The following C1orf210 variants were observed in gnomAD, a reference collection of about 807,000 sequenced individuals.
C1orf210 encodes the protein type III endosome membrane protein TEMP.
Under a neutral mutation model 3.7 loss-of-function variants are expected in C1orf210, and 3 were observed. That is an observed-to-expected ratio of 0.81 (90% CI 0.37 to 2.08). The LOEUF (loss-of-function observed/expected upper bound fraction) is 2.08, where lower values mean the gene tolerates loss of function less well. C1orf210 is among the 30% of genes most tolerant of loss of function. C1orf210 has a pLI of 0.06. For synonymous variants in C1orf210, 62 were observed against 61.7 expected, an observed-to-expected ratio of 1.00 and a Z score of -0.02; for missense variants, 143 against 147.7, an observed-to-expected ratio of 0.97 and a Z score of 0.17.
intron 1 of C1orf210, among the ~76,000 whole-genome samples, chr1:43,284,679 C>A (rs1646568963): frequency 1.3e-5 from 2 of 152,150 alleles, no homozygotes; most frequent in Admixed American, 1.3e-4. Flanking sequence ...GCTCCCCATG[C>A]CCCACAGTGC....
chr1:43,284,331 A>G (rs1473236821), intron 1 of C1orf210, among the ~76,000 whole-genome samples: 1 of 152,038 alleles, frequency 6.6e-6, no homozygotes, highest in African/African-American at 2.4e-5. Context: ...GAACCAGGGG[A>G]GTCCTTGGGG....
In C1orf210 at chr1:43,282,853, C is replaced by T; in HGVS notation, c.274G>A (p.Asp92Asn). 1 of 1,614,134 alleles carries T rather than the reference C, an allele frequency of 6.2e-7. No individual in the cohort carries two copies. Among genetic ancestry groups the T allele is most frequent in the Non-Finnish European group, 8.5e-7 (1 of 1,180,004 alleles). Residue 92 changes from aspartate (D) to asparagine (N), a missense_variant, in exon 3 of 3, where the codon GAC (aspartate) becomes AAC (asparagine). Physicochemically the swap from Asp to Asn is conservative, Grantham distance 23. Transcript: ENST00000523677. ...EDEDDDGFIEDNYIQPGTGEL... is the reference protein window; with the variant it reads ...EDEDDDGFIENNYIQPGTGEL... The stretch of plus-strand genomic sequence containing the variant: ...CCAGTCCCAGGCTGAATGTAATTGT[C>T]CTCGATGAAGCCATCATCATCCTCA...
In C1orf210 at chr1:43,283,079, T is replaced by C. The variant is rs530226735; in HGVS notation, c.48A>G (p.Thr16=). ...KTLVGPSELP[T]ASAVAPGPGT... ...CTGGGCCAGGGGCCACAGCAGACGC[T>C]GTGGGGAGCTCCGAAGGCCCAACAA... is the stretch of plus-strand genomic sequence containing the variant. The change falls in exon 3 of 3, where the codon ACA becomes ACG. Residue 16 remains threonine (T), a synonymous_variant. Transcript: ENST00000523677. 6.2e-7 allele frequency: 1 copy of C among 1,613,706 alleles called. No homozygotes were observed. Among genetic ancestry groups the C allele is most frequent in the Admixed American group, 1.7e-5 (1 of 59,984 alleles).
chr1:43,282,919 G>T lies in C1orf210; in HGVS notation c.208C>A (p.Pro70Thr). 1 of 1,614,154 alleles carries T rather than the reference G, an allele frequency of 6.2e-7. No individual in the cohort carries two copies. Among genetic ancestry groups the T allele is most frequent in the Non-Finnish European group, 8.5e-7 (1 of 1,180,004 alleles). The change falls in exon 3 of 3, where the codon CCT becomes ACT. Residue 70 changes from proline (P) to threonine (T), a missense_variant. Coordinates refer to ENST00000523677, the MANE Select transcript of C1orf210 (RefSeq NM_182517.3). The part of the protein sequence containing the change: ...YHASYRHRPL[P>T]ETGRGGRPQV... ...GGGCGGCCTCCCCTTCCTGTCTCAG[G>T]CAGTGGGCGGTGCCGGTAGCTGGCA...
chr1:43,283,114 A>G lies in C1orf210; in HGVS notation c.20-7T>C. On this transcript the variant is annotated splice_region_variant and splice_polypyrimidine_tract_variant and intron_variant, in intron 2 of 2. Coordinates refer to ENST00000523677, the MANE Select transcript of C1orf210 (RefSeq NM_182517.3). ...TCCGAAGGCCCAACAAGTGCTGCAGAGAAAGGGACAGCATTATAGGTGGGC... is the reference window on the plus strand; with the variant it reads ...TCCGAAGGCCCAACAAGTGCTGCAGGGAAAGGGACAGCATTATAGGTGGGC... 1.9e-6 allele frequency: 3 copies of G among 1,610,728 alleles called. No individual in the cohort carries two copies. The highest frequency in any genetic ancestry group is 2.5e-6 in the Non-Finnish European group (3 of 1,177,780).
At position 43,282,606 on chromosome 1, in the gene C1orf210, G is replaced by T; in HGVS notation, c.*179C>A. 3 of 617,376 alleles carry T rather than the reference G, an allele frequency of 4.9e-6. No individual in the cohort carries two copies. The South Asian group carries it at 6.2e-5, about 13-fold the overall frequency. 38.2% of individuals were successfully genotyped at this position (617,376 alleles called of 1,614,324 possible). A position where few individuals can be genotyped will look rare whatever the true frequency, so the allele number is the denominator to read the frequency against. Reference sequence around the variant, plus strand: ...GCAGGGAACAGTTGAGAGTTATTGAGCAAGAGAGGGTCATTGTCACTTTGC... The same window carrying T: ...GCAGGGAACAGTTGAGAGTTATTGATCAAGAGAGGGTCATTGTCACTTTGC... On this transcript the variant is annotated 3_prime_UTR_variant, in exon 3 of 3. Transcript: ENST00000523677.
At chr1:43,285,023 G>A (rs1035939909) in intron 1 of C1orf210, among the ~76,000 whole-genome samples, 16 of 152,216 alleles carry the variant, frequency 1.1e-4, no homozygotes, top group African/African-American at 3.9e-4. Context: ...GGAGCTGGGC[G>A]TTCAGCCCCT....
chr1:43,282,984 A>G lies in C1orf210; in HGVS notation c.143T>C (p.Ile48Thr). The G allele has an allele frequency of 1.2e-6, 2 of 1,614,128 alleles. No individual in the cohort carries two copies. The highest frequency in any genetic ancestry group is 8.5e-7 in the Non-Finnish European group (1 of 1,179,982). The stretch of plus-strand genomic sequence containing the variant: ...GAGGTGGCATTTGGCAGCAAGTGCA[A>G]TGAGGAGCGAGAGGACCACAGCCCC... Reference protein sequence around the residue: ...VLGAVVLSLLIALAAKCHLCR... With the variant: ...VLGAVVLSLLTALAAKCHLCR... Residue 48 changes from isoleucine to threonine, a missense_variant, in exon 3 of 3, where the codon ATT (isoleucine) becomes ACT (threonine). Transcript: ENST00000523677.
In C1orf210 at chr1:43,282,482, T is replaced by G; in HGVS notation, c.*303A>C. The stretch of plus-strand genomic sequence containing the variant: ...AATAACATTGATTTCGACAGTAAAG[T>G]AGGGGAAGGCAAGAAAAGAAACCAA... On this transcript the variant is annotated 3_prime_UTR_variant, in exon 3 of 3. Transcript: ENST00000523677. 6.0e-6 allele frequency: 2 copies of G among 331,742 alleles called. No individual in the cohort carries two copies. The highest frequency in any genetic ancestry group is 1.1e-5 in the Non-Finnish European group (2 of 182,144). 20.5% of individuals were successfully genotyped at this position (331,742 alleles called of 1,614,324 possible).
chr1:43,284,879 G>A (rs947320124), intron 1 of C1orf210, among the ~76,000 whole-genome samples: 1 of 152,176 alleles, frequency 6.6e-6, no homozygotes, highest in Non-Finnish European at 1.5e-5. Flanking sequence ...TGCCTGTGAG[G>A]TTGTCCCTGG....
intron 1 of C1orf210, among the ~76,000 whole-genome samples, chr1:43,284,121 G>T (rs1646564410): frequency 6.6e-6 from 1 of 152,204 alleles, no homozygotes; most frequent in South Asian, 2.1e-4. Context: ...ACACCTAGAG[G>T]AGGAACACTT....
chr1:43,282,405 C>A lies in C1orf210; in HGVS notation c.*380G>T. On this transcript the variant is annotated 3_prime_UTR_variant, in exon 3 of 3. Coordinates refer to ENST00000523677, the MANE Select transcript of C1orf210 (RefSeq NM_182517.3). ...AGAAGAGTAGCGTAGGCAGGGGGAC[C>A]AATGTGAGCAAAGGTGCCTGGGGAA... The A allele has an allele frequency of 5.3e-6, 1 of 190,108 alleles. No homozygotes were observed. Among genetic ancestry groups the A allele is most frequent in the East Asian group, 1.4e-4 (1 of 7,040 alleles). 11.8% of individuals were successfully genotyped at this position (190,108 alleles called of 1,614,324 possible).
chr1:43,282,513 C>G lies in C1orf210; in HGVS notation c.*272G>C. 5.0e-6 allele frequency: 2 copies of G among 401,736 alleles called. No individual in the cohort carries two copies. The highest frequency in any genetic ancestry group is 8.8e-6 in the Non-Finnish European group (2 of 226,506). The allele number at this position is 401,736 out of a possible 1,614,324, so 24.9% of individuals were successfully genotyped here. A position where few individuals can be genotyped will look rare whatever the true frequency, so the allele number is the denominator to read the frequency against. On this transcript the variant is annotated 3_prime_UTR_variant, in exon 3 of 3. Coordinates refer to ENST00000523677, the MANE Select transcript of C1orf210 (RefSeq NM_182517.3). ...AAGGCAAGAAAAGAAACCAAGAGGC[C>G]GAGAGGCATGATCACAGAGGGCCTT...
chr1:43,284,288 T>C (rs1646565759), intron 1 of C1orf210, among the ~76,000 whole-genome samples: 1 of 151,994 alleles, frequency 6.6e-6, no homozygotes, highest in Non-Finnish European at 1.5e-5. Context: ...GACGAACAGC[T>C]AGGGCAGGAG....
rs773869341 is a variant in C1orf210, at chr1:43,283,101, A to G, written c.26T>C (p.Val9Ala). 2 of 1,612,516 alleles carry G rather than the reference A, an allele frequency of 1.2e-6. No individual in the cohort carries two copies. The highest frequency in any genetic ancestry group is 2.7e-5 in the African/African-American group (2 of 74,860). The change falls in exon 3 of 3, where the codon GTT (valine) becomes GCT (alanine). Residue 9 changes from valine to alanine, a missense_variant. Coordinates refer to ENST00000523677, the MANE Select transcript of C1orf210 (RefSeq NM_182517.3). ...CGCTGTGGGGAGCTCCGAAGGCCCAACAAGTGCTGCAGAGAAAGGGACAGC... is the reference window on the plus strand; with the variant it reads ...CGCTGTGGGGAGCTCCGAAGGCCCAGCAAGTGCTGCAGAGAAAGGGACAGC... MNETNKTL[V>A]GPSELPTASA...
chr1:43,282,063 G>A lies in C1orf210; in HGVS notation c.*722C>T, dbSNP rs533314469. The A allele has an allele frequency of 1.3e-5, 2 of 152,128 alleles. No individual in the cohort carries two copies. Among genetic ancestry groups the A allele is most frequent in the Non-Finnish European group, 2.9e-5 (2 of 68,042 alleles). The allele number at this position is 152,128 out of a possible 1,614,324, so 9.4% of individuals were successfully genotyped here. On this transcript the variant is annotated 3_prime_UTR_variant, in exon 3 of 3. Transcript: ENST00000523677. Reference sequence around the variant, plus strand: ...GCGGACTACCTGAGGTCAAGAGTTCGAGACCATCCTGGCCAATATGGCGAA... The same window carrying A: ...GCGGACTACCTGAGGTCAAGAGTTCAAGACCATCCTGGCCAATATGGCGAA...
chr1:43,283,123 C>T lies in C1orf210; in HGVS notation c.20-16G>A, dbSNP rs1392818770. 1 of 1,609,038 alleles carries T rather than the reference C, an allele frequency of 6.2e-7. No individual in the cohort carries two copies. Among genetic ancestry groups the T allele is most frequent in the Non-Finnish European group, 8.5e-7 (1 of 1,176,778 alleles). On this transcript the variant is annotated splice_polypyrimidine_tract_variant and intron_variant, in intron 2 of 2. Transcript: ENST00000523677. ...CCAACAAGTGCTGCAGAGAAAGGGACAGCATTATAGGTGGGCCCCAGAGGG... is the reference window on the plus strand; with the variant it reads ...CCAACAAGTGCTGCAGAGAAAGGGATAGCATTATAGGTGGGCCCCAGAGGG...
chr1:43,283,131 T>C (rs1451088083), intron 2 of C1orf210, 24 bp from the exon 3 acceptor site: 1 of 1,605,140 alleles, frequency 6.2e-7, no homozygotes, highest in African/African-American at 1.3e-5. Flanking sequence ...GACAGCATTA[T>C]AGGTGGGCCC....
In C1orf210 at chr1:43,282,129, G is replaced by A. The variant is rs1258192799; in HGVS notation, c.*656C>T. 2.0e-5 allele frequency: 3 copies of A among 152,330 alleles called. No homozygotes were observed. The highest frequency in any genetic ancestry group is 7.2e-5 in the African/African-American group (3 of 41,550). The allele number at this position is 152,330 out of a possible 1,614,324, so 9.4% of individuals were successfully genotyped here. ...AAAATATAAAAATTAGCTGGGCGTG[G>A]TGGCGGATGCCTGTAATCCCAGCTA... On this transcript the variant is annotated 3_prime_UTR_variant, in exon 3 of 3. Transcript: ENST00000523677.
Sources: allele counts gnomAD v4.1 joint callset (sites outside exome capture counted in the v4.1 genomes callset), GRCh38; gene constraint gnomAD v4.1.1; transcripts MANE v1.5; gene names NCBI Gene and HGNC (gene_info 2026-07-23, HGNC 2026-07-21).